The following LRP5 variants were observed in gnomAD, a reference collection of about 807,000 sequenced individuals.
LRP5 encodes LDL receptor related protein 5, also known as low-density lipoprotein receptor-related protein 5.
In LRP5, 62 loss-of-function variants were observed where a neutral mutation model predicts 154.1. The ratio of observed to expected loss-of-function variants is 0.40; its 90% CI spans 0.33 to 0.50. The LOEUF is 0.50. Among genes scored for constraint, LRP5 ranks in the 20% least tolerant of loss-of-function variants. The pLI is 0.55. For missense variants in LRP5, 1,915 were observed against 2,336.7 expected (o/e 0.82, Z 3.72); for synonymous variants, 966 against 1,011.5 (o/e 0.96, Z 0.85).
intron 3 of LRP5, among the ~76,000 whole-genome samples, chr11:68,362,755 C>T (rs1272441110): frequency 6.6e-6 from 1 of 151,106 alleles, no homozygotes; most frequent in Admixed American, 6.6e-5. Context: ...TCTTAAAAAA[C>T]AGCATCAACA....
intron 1 of LRP5, among the ~76,000 whole-genome samples, chr11:68,338,411 G>A (rs2098606896): frequency 6.6e-6 from 1 of 152,216 alleles, no homozygotes; most frequent in Non-Finnish European, 1.5e-5. Context: ...ATGCTTACAT[G>A]GGTTAAAATG....
chr11:68,315,392 C>T (rs1162315639), intron 1 of LRP5, among the ~76,000 whole-genome samples: 1 of 152,218 alleles, frequency 6.6e-6, no homozygotes, highest in Non-Finnish European at 1.5e-5. Flanking sequence ...ACTCACTCAC[C>T]GCTGCAGCCC....
At chr11:68,369,753 G>A (rs933286850) in intron 5 of LRP5, among the ~76,000 whole-genome samples, 6 of 152,130 alleles carry the variant, frequency 3.9e-5, no homozygotes, top group Non-Finnish European at 5.9e-5. Flanking sequence ...TTCCAGGAAC[G>A]GGTGTGGGCC....
intron 1 of LRP5, among the ~76,000 whole-genome samples, chr11:68,316,044 G>A (rs1447422903): frequency 6.6e-6 from 1 of 151,976 alleles, no homozygotes; most frequent in Non-Finnish European, 1.5e-5. Context: ...CAAGTTATAA[G>A]AGATTTCCAT....
chr11:68,424,819 A>C (rs1203439222), intron 14 of LRP5, among the ~76,000 whole-genome samples: 4 of 152,136 alleles, frequency 2.6e-5, no homozygotes, highest in African/African-American at 9.7e-5. Flanking sequence ...CCATTGAAGG[A>C]CACTTCAGTT....
At chr11:68,299,215 T>C in the LRP5 span, among the ~76,000 whole-genome samples, 1 of 151,852 alleles carries the variant, frequency 6.6e-6, no homozygotes, top group Admixed American at 6.6e-5. Flanking sequence ...CACCCTGCTG[T>C]GAAGCTGGAG....
At chr11:68,440,737 C>G (rs2153182504) in intron 21 of LRP5, among the ~76,000 whole-genome samples, 1 of 152,256 alleles carries the variant, frequency 6.6e-6, no homozygotes, top group Non-Finnish European at 1.5e-5. Context: ...CTGGGTATCC[C>G]TCACATCTGG....
upstream of LRP5, among the ~76,000 whole-genome samples, chr11:68,309,459 T>C (rs1269395124): frequency 6.6e-6 from 1 of 151,942 alleles, no homozygotes; most frequent in Non-Finnish European, 1.5e-5. Flanking sequence ...GGTCTTGAAC[T>C]CCTGACCTCG....
Position 68,362,072 on chromosome 11 carries a change from C to T in LRP5, c.687-1675C>T, listed in dbSNP as rs144440359. Among the ~76,000 whole-genome samples the T allele has an allele frequency of 4.7e-3, 718 of 152,310 alleles. 4 individuals carry two copies. The highest frequency in any genetic ancestry group is 7.6e-3 in the Non-Finnish European group (519 of 68,030). On this transcript the variant is annotated intron_variant, in intron 3 of 22. Transcript: ENST00000294304. The stretch of plus-strand genomic sequence containing the variant: ...ATGCACAGATTGGGTTCTGTCTGCA[C>T]ACTGGAATATGGTTCACCCCTAAAA...
chr11:68,430,557 T>C (rs2098671324), intron 17 of LRP5, among the ~76,000 whole-genome samples: 1 of 152,172 alleles, frequency 6.6e-6, no homozygotes. Context: ...GATTCTGCTG[T>C]TGTTGGGTGG....
chr11:68,433,013 G>A (rs774564358), intron 17 of LRP5, among the ~76,000 whole-genome samples: 3 of 152,300 alleles, frequency 2.0e-5, no homozygotes, highest in South Asian at 2.1e-4. Context: ...GCTTTGTCCC[G>A]TCTTCTGCAG....
chr11:68,337,924 G>A (rs975613178), intron 1 of LRP5, among the ~76,000 whole-genome samples: 3 of 152,240 alleles, frequency 2.0e-5, no homozygotes, highest in Non-Finnish European at 4.4e-5. Flanking sequence ...CAGGAAGCCT[G>A]CCTGGGCCAC....
chr11:68,445,631 C>T (rs1247788990), intron 21 of LRP5: 5 of 1,318,704 alleles, frequency 3.8e-6, no homozygotes, highest in Non-Finnish European at 4.0e-6. Flanking sequence ...ATAAGCCCTA[C>T]ACCCTTTGGG....
chr11:68,335,879 C>CTCA (rs2098605421), intron 1 of LRP5, among the ~76,000 whole-genome samples: 2 of 152,132 alleles, frequency 1.3e-5, no homozygotes, highest in African/African-American at 4.8e-5. Flanking sequence ...CAGTTTGGAA[C>CTCA]GTGTGATGGT....
chr11:68,318,274 T>A (rs1350360212), intron 1 of LRP5, among the ~76,000 whole-genome samples: 1 of 151,554 alleles, frequency 6.6e-6, no homozygotes, highest in East Asian at 1.9e-4. Flanking sequence ...CAGGATGGTC[T>A]CCATCTCCTG....
Position 68,425,107 on chromosome 11 carries a change from T to G in LRP5, c.3242T>G (p.Leu1081Arg), listed in dbSNP as rs1308485193. The change falls in exon 15 of 23, where the codon CTG becomes CGG. Residue 1081 changes from leucine to arginine, a missense_variant. By Grantham distance (102) the Leu-to-Arg change is moderately radical. Coordinates refer to ENST00000294304, the MANE Select transcript of LRP5 (RefSeq NM_002335.4). Reference sequence around the variant, plus strand: ...CACCCGCCACCCTCCCGCAGGTACCTGTACTTCACCAACATGCAGGACCGG... The same window carrying G: ...CACCCGCCACCCTCCCGCAGGTACCGGTACTTCACCAACATGCAGGACCGG... ...AIVVNAERGY[L>R]YFTNMQDRAA... 15 of 1,613,646 alleles carry G rather than the reference T, an allele frequency of 9.3e-6. No homozygotes were observed. The highest frequency in any genetic ancestry group is 1.3e-5 in the African/African-American group (1 of 75,022).
intron 1 of LRP5, among the ~76,000 whole-genome samples, chr11:68,324,001 C>A (rs997878180): frequency 6.6e-6 from 1 of 152,250 alleles, no homozygotes; most frequent in African/African-American, 2.4e-5. Context: ...CTCGTAGACT[C>A]CACTGCAGCT....
In LRP5 at chr11:68,416,489, C is replaced by T. The variant is rs926783835; in HGVS notation, c.2989C>T (p.Arg997Cys). The T allele has an allele frequency of 4.3e-6, 7 of 1,613,824 alleles. No individual in the cohort carries two copies. The highest frequency in any genetic ancestry group is 3.3e-5 in the Admixed American group (2 of 59,802). ...CAAGTTCATCTACTGGGTGGATGGG[C>T]GCCAGAACATCAAGCGAGCCAAGGA... ...LDKFIYWVDG[R>C]QNIKRAKDDG... Residue 997 changes from arginine to cysteine, a missense_variant, in exon 13 of 23, where the codon CGC becomes TGC. Physicochemically the swap from Arg to Cys is radical, Grantham distance 180. This residue lies in a region of LRP5 where 1,094 missense variants were observed against 1,210.1 expected (regional missense o/e 0.90). Transcript: ENST00000294304.
At chr11:68,325,105 C>G (rs1018135022) in intron 1 of LRP5, among the ~76,000 whole-genome samples, 4 of 152,224 alleles carry the variant, frequency 2.6e-5, no homozygotes, top group Non-Finnish European at 2.9e-5. Flanking sequence ...CATCACCCCC[C>G]ACCCCTGGAG....
Sources: gnomAD v4.1 joint callset for allele counts (sites outside exome capture counted in the v4.1 genomes callset) on GRCh38, gnomAD v4.1.1 for gene constraint, gnomAD v4.1.1 regional missense constraint, MANE v1.5 for transcripts, NCBI Gene and HGNC (gene_info 2026-07-23, HGNC 2026-07-21) for gene names.